Variants in TRAPPC9 observed in about 807,000 individuals in gnomAD.
TRAPPC9 encodes the protein IKK2 binding protein.
A neutral mutation model predicts 124.0 loss-of-function variants in TRAPPC9; 83 were observed. That is an observed-to-expected ratio of 0.67 (90% CI 0.56 to 0.80). The LOEUF (loss-of-function observed/expected upper bound fraction) is 0.80. Among genes scored for constraint, TRAPPC9 ranks in the 30% least tolerant of loss-of-function variants. The pLI is 0.00. For missense variants in TRAPPC9, 1,302 were observed against 1,508.3 expected, an observed-to-expected ratio of 0.86 and a Z score of 2.27; for synonymous variants, 638 against 617.5, an observed-to-expected ratio of 1.03 and a Z score of -0.49.
intron 17 of TRAPPC9, among the ~76,000 whole-genome samples, chr8:140,045,978 G>A (rs965999115): frequency 5.3e-5 from 8 of 152,096 alleles, no homozygotes; most frequent in Admixed American, 4.6e-4. Context: ...AAAGAATGGT[G>A]GGATTTTAAC....
chr8:139,756,440 G>A (rs1326811668), intron 21 of TRAPPC9, among the ~76,000 whole-genome samples: 10 of 125,272 alleles, frequency 8.0e-5, no homozygotes, highest in East Asian at 2.6e-4. Flanking sequence ...GTTTGGGGAT[G>A]AGGACAGCAG....
At chr8:139,932,532 G>A (rs895922010) in intron 19 of TRAPPC9, 1 of 455,738 alleles carries the variant, frequency 2.2e-6, no homozygotes, top group Non-Finnish European at 4.4e-6. Flanking sequence ...GAAGGCCGAG[G>A]CAGGTGGATT....
intron 17 of TRAPPC9, among the ~76,000 whole-genome samples, chr8:140,127,735 G>A (rs867244286): frequency 3.3e-5 from 5 of 152,152 alleles, no homozygotes; most frequent in African/African-American, 9.7e-5. Context: ...CCCATCACAG[G>A]AAATAGCTAC....
At chr8:140,064,468 C>T (rs1396526558) in intron 17 of TRAPPC9, among the ~76,000 whole-genome samples, 1 of 152,146 alleles carries the variant, frequency 6.6e-6, no homozygotes, top group Non-Finnish European at 1.5e-5. Context: ...GTCTTTATCT[C>T]TACCTGATAG....
At chr8:140,319,394 A>G (rs931314708) in intron 9 of TRAPPC9, among the ~76,000 whole-genome samples, 11 of 151,812 alleles carry the variant, frequency 7.2e-5, no homozygotes, top group East Asian at 1.9e-4. Context: ...AGCCAGGATG[A>G]TCTCGATCTC....
chr8:140,165,726 A>G (rs1431580142), intron 17 of TRAPPC9, among the ~76,000 whole-genome samples: 4 of 152,016 alleles, frequency 2.6e-5, no homozygotes, highest in Non-Finnish European at 5.9e-5. Flanking sequence ...ATAGAGCTCA[A>G]GTATCTTACC....
At position 140,433,444 on chromosome 8, in the gene TRAPPC9, G is replaced by C. The variant is rs575995375; in HGVS notation, c.859+1668C>G. ...TCTCTACTGAAATTTACAAAAATTA[G>C]CCAGGTGTGGTGACGGGCACCTGTA... On this transcript the variant is annotated intron_variant, in intron 4 of 22. Transcript: ENST00000438773. Among the ~76,000 whole-genome samples the C allele has an allele frequency of 6.8e-4, 103 of 152,188 alleles. 2 individuals are homozygous for C. In the South Asian group the frequency reaches 0.021, roughly 32 times the overall value.
At chr8:140,439,393 G>A (rs1179852511) in intron 2 of TRAPPC9, among the ~76,000 whole-genome samples, 196 bp from the exon 3 acceptor site, 2 of 152,142 alleles carry the variant, frequency 1.3e-5, no homozygotes, top group Non-Finnish European at 2.9e-5. Context: ...GTACTGCCAA[G>A]CAATTTGTTT....
chr8:140,006,853 C>T lies in TRAPPC9; in HGVS notation c.2699+17084G>A, dbSNP rs559884751. On this transcript the variant is annotated intron_variant, in intron 18 of 22. Coordinates refer to ENST00000438773, the MANE Select transcript of TRAPPC9 (RefSeq NM_001160372.4). ...GAAGTAGGGGAATAGAGAATGGCAG[C>T]GATGGGTACAGGGTTTCTTCTGGGA... Among the ~76,000 whole-genome samples, 24 of 152,152 alleles carry T rather than the reference C, an allele frequency of 1.6e-4. 1 individual carries two copies. Among genetic ancestry groups the T allele is most frequent in the Admixed American group, 1.4e-3 (22 of 15,294 alleles).
chr8:139,890,562 G>A (rs372494985), intron 20 of TRAPPC9, among the ~76,000 whole-genome samples: 39 of 152,290 alleles, frequency 2.6e-4, no homozygotes, highest in African/African-American at 6.7e-4. Flanking sequence ...CTGGCTGGGC[G>A]ACGAGGGGTC....
chr8:139,893,799 C>T (rs188187897), intron 20 of TRAPPC9, among the ~76,000 whole-genome samples: 4 of 152,336 alleles, frequency 2.6e-5, no homozygotes, highest in Admixed American at 6.5e-5. Flanking sequence ...CAGCCAGTAC[C>T]GTCTAACATG....
intron 21 of TRAPPC9, among the ~76,000 whole-genome samples, chr8:139,738,149 G>C (rs533103342): frequency 6.6e-6 from 1 of 152,164 alleles, no homozygotes; most frequent in African/African-American, 2.4e-5. Flanking sequence ...CCTGGACCTC[G>C]AATGCCCTAT....
In TRAPPC9 at chr8:140,360,154, A is replaced by G; in HGVS notation, c.1391T>C (p.Leu464Pro). The G allele has an allele frequency of 1.9e-6, 3 of 1,614,242 alleles. No individual in the cohort carries two copies. Among genetic ancestry groups the G allele is most frequent in the Non-Finnish European group, 2.5e-6 (3 of 1,180,044 alleles). Residue 464 changes from leucine (L) to proline (P), a missense_variant, in exon 9 of 23, where the codon CTC becomes CCC. Physicochemically the swap from Leu to Pro is moderately conservative, Grantham distance 98. Around this residue, in one of 3 missense-constraint regions of TRAPPC9, gnomAD observed 657 missense variants for 811.2 expected, o/e 0.81. Transcript: ENST00000438773. ...TCGGGAGGCGTAGACCAATTCATGG[A>G]GCAAACGCATCTGGACCGCAGCCCA... is the stretch of plus-strand genomic sequence containing the variant. ...RGWAAVQMRL[L>P]HELVYASRRM...
At chr8:139,881,894 C>T (rs1301805949) in intron 21 of TRAPPC9, among the ~76,000 whole-genome samples, 1 of 152,228 alleles carries the variant, frequency 6.6e-6, no homozygotes, top group Non-Finnish European at 1.5e-5. Flanking sequence ...CACCCCTCTC[C>T]TTACTGTCCC....
intron 17 of TRAPPC9, among the ~76,000 whole-genome samples, chr8:140,091,724 G>A (rs1427596418): frequency 6.6e-6 from 1 of 152,180 alleles, no homozygotes; most frequent in Non-Finnish European, 1.5e-5. Flanking sequence ...CTCTGAAGTT[G>A]GCTTCAAAGG....
chr8:140,294,447 T>C (rs2065749893), intron 11 of TRAPPC9, among the ~76,000 whole-genome samples: 1 of 152,108 alleles, frequency 6.6e-6, no homozygotes, highest in African/African-American at 2.4e-5. Flanking sequence ...AATTAAGAAA[T>C]GGCTTGCCCT....
intron 11 of TRAPPC9, among the ~76,000 whole-genome samples, chr8:140,293,628 C>T (rs2131779612): frequency 6.6e-6 from 1 of 152,064 alleles, no homozygotes; most frequent in East Asian, 1.9e-4. Context: ...AAAAACCAAA[C>T]ACTGCATATT....
At chr8:140,135,558 C>G (rs1159670357) in intron 17 of TRAPPC9, among the ~76,000 whole-genome samples, 1 of 152,138 alleles carries the variant, frequency 6.6e-6, no homozygotes, top group African/African-American at 2.4e-5. Context: ...CTGTATAATT[C>G]CACATACTGA....
chr8:140,179,758 G>A (rs1055431415), intron 17 of TRAPPC9, among the ~76,000 whole-genome samples: 3 of 152,050 alleles, frequency 2.0e-5, no homozygotes, highest in African/African-American at 7.2e-5. Flanking sequence ...GTTATTGGGT[G>A]TATACACATT....
Sources: allele counts gnomAD v4.1 joint callset (sites outside exome capture counted in the v4.1 genomes callset), GRCh38; gene constraint gnomAD v4.1.1; regional missense constraint gnomAD v4.1.1; transcripts MANE v1.5; gene names NCBI Gene and HGNC (gene_info 2026-07-23, HGNC 2026-07-21).